IL2RB: variants seen among roughly 807,000 people sequenced by gnomAD.
IL2RB encodes interleukin 2 receptor subunit beta, also known as interleukin-2 receptor subunit beta.
IL2RB carries 17 observed loss-of-function variants against 44.2 expected under a neutral mutation model. That is an observed-to-expected ratio of 0.38 (90% CI 0.26 to 0.58). The LOEUF (loss-of-function observed/expected upper bound fraction) is 0.58, where lower values mean the gene tolerates loss of function less well. Among genes scored for constraint, IL2RB ranks in the 20% least tolerant of loss-of-function variants. IL2RB has a pLI of 0.63. For missense variants in IL2RB, 624 were observed against 685.5 expected (o/e 0.91, Z 1.00); for synonymous variants, 286 against 297.9 (o/e 0.96, Z 0.41).
intron 1 of IL2RB, among the ~76,000 whole-genome samples, chr22:37,160,592 A>G (rs892474711): frequency 6.6e-6 from 1 of 151,988 alleles, no homozygotes; most frequent in Admixed American, 6.6e-5. Flanking sequence ...TGGTATTTTT[A>G]AAAACGTGAA....
rs1481345961 is a variant in IL2RB at position 37,136,420 on chromosome 22, C to T, written c.538-27G>A. On this transcript the variant is annotated intron_variant, in intron 6 of 9. Coordinates refer to ENST00000216223, the MANE Select transcript of IL2RB (RefSeq NM_000878.5). ...TGGGTCGGAGACAGGACTGTCAGCG[C>T]CCACCTCACCTCCCATGGCAGGGCC... 3.8e-6 allele frequency: 6 copies of T among 1,590,180 alleles called. No homozygotes were observed. The African/African-American group carries it at 4.0e-5, about 11-fold the overall frequency.
rs1601592988 is a variant in IL2RB, at chr22:37,127,972, T to G, written c.*124A>C. 1 of 731,404 alleles carries G rather than the reference T, an allele frequency of 1.4e-6. No individual in the cohort carries two copies. The highest frequency in any genetic ancestry group is 2.0e-6 in the Non-Finnish European group (1 of 501,424). 45.3% of individuals were successfully genotyped at this position (731,404 alleles called of 1,614,324 possible). On this transcript the variant is annotated 3_prime_UTR_variant, in exon 10 of 10. Coordinates refer to ENST00000216223, the MANE Select transcript of IL2RB (RefSeq NM_000878.5). ...CAGGACTGGGTGGGGGCCATCCGGG[T>G]GGAGAAGTCCAGCTGCAACTGGACA...
rs1264106641 is a variant in IL2RB at position 37,141,071 on chromosome 22, T to G, written c.282+1363A>C. 1.3e-5 allele frequency among the ~76,000 whole-genome samples: 2 copies of G among 152,086 alleles called. No homozygotes were observed. Among genetic ancestry groups the G allele is most frequent in the Non-Finnish European group, 2.9e-5 (2 of 67,980 alleles). ...CACGGAGCAGGTAGGAGCCCTGCCC[T>G]CCCAGGCAGGGCTGCAGCTGCCTAA... is the stretch of plus-strand genomic sequence containing the variant. On this transcript the variant is annotated intron_variant, in intron 4 of 9. Coordinates refer to ENST00000216223, the MANE Select transcript of IL2RB (RefSeq NM_000878.5). This position sits in a 1 kb window ranked among gnomAD's most constrained non-coding sequence, Gnocchi z 4.4.
At chr22:37,171,197 G>T (rs1319431213) in intron 1 of IL2RB, among the ~76,000 whole-genome samples, 1 of 152,134 alleles carries the variant, frequency 6.6e-6, no homozygotes, top group Non-Finnish European at 1.5e-5. Context: ...TGGCCAGGCT[G>T]GTCTCAAACT....
intron 1 of IL2RB, among the ~76,000 whole-genome samples, chr22:37,159,814 G>A (rs1239437618): frequency 6.6e-6 from 1 of 152,180 alleles, no homozygotes; most frequent in Non-Finnish European, 1.5e-5. Flanking sequence ...CATGGAGAAG[G>A]ACCCCCCACT....
intron 1 of IL2RB, among the ~76,000 whole-genome samples, chr22:37,145,681 G>C (rs949268476): frequency 6.6e-6 from 1 of 152,048 alleles, no homozygotes; most frequent in Non-Finnish European, 1.5e-5. Flanking sequence ...TGAGGAGGGA[G>C]CTTCCAGGGA....
intron 4 of IL2RB, among the ~76,000 whole-genome samples, chr22:37,139,655 T>C (rs1569044897): frequency 6.6e-6 from 1 of 152,200 alleles, no homozygotes; most frequent in Non-Finnish European, 1.5e-5. Context: ...GGTACAGTTC[T>C]GGAACTATAC....
At chr22:37,164,651 C>T (rs930702917) in intron 1 of IL2RB, among the ~76,000 whole-genome samples, 1 of 152,070 alleles carries the variant, frequency 6.6e-6, no homozygotes, top group African/African-American at 2.4e-5. Context: ...CCTGTCTGTC[C>T]CTTCTCAGGC....
chr22:37,149,177 C>T (rs1922368303), intron 1 of IL2RB, among the ~76,000 whole-genome samples: 3 of 152,118 alleles, frequency 2.0e-5, no homozygotes, highest in Non-Finnish European at 4.4e-5. Flanking sequence ...CCAGGCAGCC[C>T]CAAAGATAGG....
At position 37,130,459 on chromosome 22, in the gene IL2RB, G is replaced by A. The variant is rs190523758; in HGVS notation, c.904-1611C>T. 4.5e-3 allele frequency among the ~76,000 whole-genome samples: 681 copies of A among 152,370 alleles called. 4 individuals are homozygous for A. Among genetic ancestry groups the A allele is most frequent in the African/African-American group, 0.015 (631 of 41,594 alleles). The stretch of plus-strand genomic sequence containing the variant: ...TTCCACGATCCCCTGGGAAGTGGGG[G>A]TGGGCCTTGTGGCCCCTGTGGGTCC... On this transcript the variant is annotated intron_variant, in intron 9 of 9. Coordinates refer to ENST00000216223, the MANE Select transcript of IL2RB (RefSeq NM_000878.5).
At chr22:37,136,724 C>T (rs750461997) in intron 6 of IL2RB, among the ~76,000 whole-genome samples, 3 of 152,160 alleles carry the variant, frequency 2.0e-5, no homozygotes, top group Non-Finnish European at 4.4e-5. Context: ...GGTTCCCACC[C>T]GTGCCCCGCT....
chr22:37,136,221 C>G lies in IL2RB; in HGVS notation c.703+7G>C. 6.2e-7 allele frequency: 1 copy of G among 1,606,966 alleles called. No homozygotes were observed. ...AGCCCCCTCTCACCCTTGCCGCCCA[C>G]CAGTACCTGCAGGCTTTGTCCTGAA... On this transcript the variant is annotated splice_region_variant and intron_variant, in intron 7 of 9. Coordinates refer to ENST00000216223, the MANE Select transcript of IL2RB (RefSeq NM_000878.5).
intron 4 of IL2RB, among the ~76,000 whole-genome samples, chr22:37,142,098 G>A (rs1472581710): frequency 3.9e-5 from 6 of 152,192 alleles, no homozygotes; most frequent in African/African-American, 9.7e-5. Context: ...GAAGAGCTGG[G>A]TGTGGTCATT....
chr22:37,136,441 GGGCCA>G lies in IL2RB; in HGVS notation c.538-53_538-49del, dbSNP rs777373357. 75 of 1,557,588 alleles carry G rather than the reference GGGCCA, an allele frequency of 4.8e-5. No individual in the cohort carries two copies. In the African/African-American group the frequency reaches 9.4e-4, roughly 20 times the overall value. ...AGCGCCCACCTCACCTCCCATGGCAGGGCCAGGAGGCTGAGCATCACAGAACCCCC... is the reference window on the plus strand; with the variant it reads ...AGCGCCCACCTCACCTCCCATGGCAGGGAGGCTGAGCATCACAGAACCCCC... On this transcript the variant is annotated intron_variant, in intron 6 of 9. Transcript: ENST00000216223.
chr22:37,169,951 G>A (rs1923218046), intron 1 of IL2RB, among the ~76,000 whole-genome samples: 1 of 152,120 alleles, frequency 6.6e-6, no homozygotes, highest in Non-Finnish European at 1.5e-5. Context: ...TGGATAGAAG[G>A]GTGGTTAATG....
intron 9 of IL2RB, among the ~76,000 whole-genome samples, chr22:37,130,646 T>C (rs894586630): frequency 7.2e-5 from 11 of 152,204 alleles, no homozygotes; most frequent in Non-Finnish European, 1.3e-4. Context: ...GGTTTGCAGC[T>C]CCCACCTCAC....
chr22:37,128,341 G>A lies in IL2RB; in HGVS notation c.1411C>T (p.Pro471Ser), dbSNP rs763184334. The change falls in exon 10 of 10, where the codon CCC becomes TCC. Residue 471 changes from proline (P) to serine (S), a missense_variant. By Grantham distance (74) the Pro-to-Ser change is moderately conservative. Around this residue, in one of 3 missense-constraint regions of IL2RB, gnomAD observed 291 missense variants for 275.5 expected, o/e 1.06. Coordinates refer to ENST00000216223, the MANE Select transcript of IL2RB (RefSeq NM_000878.5). The surrounding 1 kb of genome is among the most constrained non-coding windows in gnomAD (Gnocchi z 4.5). ...ERVPRDWDPQ[P>S]LGPPTPGVPD... ...ACTCCTGGGGTGGGAGGCCCCAGGG[G>A]CTGGGGGTCCCAGTCTCTGGGGACT... is the stretch of plus-strand genomic sequence containing the variant. The A allele has an allele frequency of 1.3e-6, 2 of 1,504,190 alleles. No homozygotes were observed. The highest frequency in any genetic ancestry group is 2.3e-5 in the East Asian group (1 of 43,072). The allele number at this position is 1,504,190 out of a possible 1,614,324, so 93.2% of individuals were successfully genotyped here.
intron 1 of IL2RB, among the ~76,000 whole-genome samples, chr22:37,149,238 C>A (rs1922370618): frequency 6.6e-6 from 1 of 152,182 alleles, no homozygotes; most frequent in Admixed American, 6.5e-5. Context: ...GTCATGCAGC[C>A]AAGGGAGGGA....
intron 1 of IL2RB, among the ~76,000 whole-genome samples, chr22:37,161,077 G>A (rs1487832139): frequency 6.6e-6 from 1 of 152,250 alleles, no homozygotes. Context: ...GGGAGGTGGA[G>A]GTTGCAGTGA....
Sources: allele counts gnomAD v4.1 joint callset (sites outside exome capture counted in the v4.1 genomes callset), GRCh38; gene constraint gnomAD v4.1.1; regional missense constraint gnomAD v4.1.1; non-coding constraint Gnocchi (gnomAD v3.1); transcripts MANE v1.5; gene names NCBI Gene and HGNC (gene_info 2026-07-23, HGNC 2026-07-21).